Variants in NR1D2 observed in about 807,000 individuals in gnomAD.
NR1D2 encodes the protein V-erbA-related protein 1-related.
NR1D2 carries 25 observed loss-of-function variants against 52.2 expected under a neutral mutation model. That is an observed-to-expected ratio of 0.48 (90% confidence interval 0.35 to 0.67). The LOEUF is 0.67. NR1D2 is among the 30% of genes least tolerant of loss of function. The pLI, the probability that NR1D2 is intolerant of heterozygous loss-of-function variation, is 0.01. For synonymous variants in NR1D2, 259 were observed against 230.1 expected (o/e 1.13, Z -1.14); for missense variants, 681 against 707.2 (o/e 0.96, Z 0.42).
rs60587118 is a variant in NR1D2 at position 23,974,088 on chromosome 3, C to CTTTTTTTTT, written c.1544-3117_1544-3109dup. ...CTGCCTGAGGCTGCTTTACAGTTAC[C>CTTTTTTTTT]TTTTTTTTTTTTTTTTTTTTTTTTT... is the stretch of plus-strand genomic sequence containing the variant. On this transcript the variant is annotated intron_variant, in intron 7 of 7. Transcript: ENST00000312521. Among the ~76,000 whole-genome samples the CTTTTTTTTT allele has an allele frequency of 2.6e-4, 21 of 79,506 alleles. 3 individuals are homozygous for CTTTTTTTTT. The highest frequency in any genetic ancestry group is 8.9e-4 in the African/African-American group (17 of 19,146). 52.2% of individuals were successfully genotyped at this position (79,506 alleles called of 152,430 possible).
intron 2 of NR1D2, 124 bp from the exon 3 acceptor site, chr3:23,955,913 T>C: frequency 1.6e-6 from 1 of 617,698 alleles, no homozygotes; most frequent in Non-Finnish European, 3.0e-6. Flanking sequence ...TCTTTTACAT[T>C]ATGAAAGTAG....
chr3:23,947,383 A>G (rs1705766099), intron 1 of NR1D2, among the ~76,000 whole-genome samples: 1 of 152,148 alleles, frequency 6.6e-6, no homozygotes, highest in Non-Finnish European at 1.5e-5. Context: ...CAGTTCTTCC[A>G]TTTACAGTTC....
Position 23,980,170 on chromosome 3 carries a change from AAG to A in NR1D2, c.*2755_*2756del, listed in dbSNP as rs1273651017. 12 of 152,192 alleles carry A rather than the reference AAG, an allele frequency of 7.9e-5. No homozygotes were observed. The highest frequency in any genetic ancestry group is 2.7e-4 in the African/African-American group (11 of 41,448). The allele number at this position is 152,192 out of a possible 1,614,324, so 9.4% of individuals were successfully genotyped here. ...CAAGAAATTACCATTGTAACTTGAT[AAG>A]AGATGATTTATTTTATGTAAACATC... On this transcript the variant is annotated 3_prime_UTR_variant, in exon 8 of 8. Coordinates refer to ENST00000312521, the MANE Select transcript of NR1D2 (RefSeq NM_005126.5).
chr3:23,971,381 A>G (rs576481278), intron 7 of NR1D2, among the ~76,000 whole-genome samples: 3 of 146,336 alleles, frequency 2.1e-5, no homozygotes, highest in Admixed American at 6.9e-5. Context: ...GCTCACTGCA[A>G]CCTCTGCCTC....
Position 23,945,511 on chromosome 3 carries a change from A to C in NR1D2, c.-68A>C, listed in dbSNP as rs1575140240. On this transcript the variant is annotated 5_prime_UTR_variant, in exon 1 of 8. The change abolishes the stop of an existing upstream ORF in the 5' untranslated region. Coordinates refer to ENST00000312521, the MANE Select transcript of NR1D2 (RefSeq NM_005126.5). ...TCCAGCCCGGGGCGGCGCGGCGCTG[A>C]GGCGGCGGCGGCGGCGCTGCCCCCT... 1 of 931,888 alleles carries C rather than the reference A, an allele frequency of 1.1e-6. No individual in the cohort carries two copies. The highest frequency in any genetic ancestry group is 1.3e-6 in the Non-Finnish European group (1 of 748,180). 57.7% of individuals were successfully genotyped at this position (931,888 alleles called of 1,614,324 possible). A position where few individuals can be genotyped will look rare whatever the true frequency, so the allele number is the denominator to read the frequency against.
At position 23,946,253 on chromosome 3, in the gene NR1D2, G is replaced by C. The variant is rs1044062093; in HGVS notation, c.16+659G>C. The C allele has an allele frequency of 5.1e-6, 5 of 985,354 alleles. No homozygotes were observed. The African/African-American group carries it at 8.7e-5, about 17-fold the overall frequency. The allele number at this position is 985,354 out of a possible 1,614,324, so 61.0% of individuals were successfully genotyped here. ...CGGACGCCGCACGCTCTTTTCGCGA[G>C]GTGACCCCAAGGCGCGGACCCCGCG... On this transcript the variant is annotated intron_variant, in intron 1 of 7. Transcript: ENST00000312521.
Position 23,954,732 on chromosome 3 carries a change from G to C in NR1D2, c.212G>C (p.Arg71Pro). The change falls in exon 2 of 8, where the codon CGA becomes CCA. Residue 71 changes from arginine (R) to proline (P), a missense_variant. Physicochemically the swap from Arg to Pro is moderately radical, Grantham distance 103 (BLOSUM62 -2). This residue lies in a region of NR1D2 where 94 missense variants were observed against 90.4 expected (regional missense o/e 1.04). Transcript: ENST00000312521. The part of the protein sequence containing the change: ...ANIEGILKND[R>P]IDCSMKTSKS... The stretch of plus-strand genomic sequence containing the variant: ...ATTGAAGGCATCTTGAAGAATGATC[G>C]AATAGATTGTTCTATGAAAACAAGC... 6.2e-7 allele frequency: 1 copy of C among 1,613,882 alleles called. No homozygotes were observed. The highest frequency in any genetic ancestry group is 8.5e-7 in the Non-Finnish European group (1 of 1,179,738).
At chr3:23,946,108 C>T (rs1225299308) in intron 1 of NR1D2, 4 of 984,622 alleles carry the variant, frequency 4.1e-6, no homozygotes, top group Non-Finnish European at 4.8e-6. Context: ...GGGGCAGTGA[C>T]GTCGCCGCGA....
chr3:23,971,990 C>G (rs1706603042), intron 7 of NR1D2, among the ~76,000 whole-genome samples: 1 of 152,216 alleles, frequency 6.6e-6, no homozygotes, highest in African/African-American at 2.4e-5. Context: ...CTCCAAACCT[C>G]TGCACCTTGA....
intron 1 of NR1D2, among the ~76,000 whole-genome samples, chr3:23,948,146 C>A (rs9835088): frequency 0.027 from 4,028 of 151,750 alleles, 176 homozygotes; most frequent in African/African-American, 0.092. Flanking sequence ...TTTTAACTTT[C>A]GAATTTTTGT....
intron 1 of NR1D2, among the ~76,000 whole-genome samples, chr3:23,952,840 G>A (rs2125284219): frequency 6.6e-6 from 1 of 152,106 alleles, no homozygotes; most frequent in South Asian, 2.1e-4. Flanking sequence ...AGTTGTGGTT[G>A]TGCTTTCCTC....
intron 4 of NR1D2, among the ~76,000 whole-genome samples, chr3:23,961,462 C>G (rs1383109435): frequency 1.5e-5 from 2 of 132,864 alleles, no homozygotes; most frequent in African/African-American, 5.8e-5. Context: ...TTGGCACCAT[C>G]TCGACGCACT....
rs1247297046 is a variant in NR1D2, at chr3:23,978,517, C to G, written c.*1098C>G. 1 of 151,524 alleles carries G rather than the reference C, an allele frequency of 6.6e-6. No homozygotes were observed. The highest frequency in any genetic ancestry group is 6.6e-5 in the Admixed American group (1 of 15,232). The allele number at this position is 151,524 out of a possible 1,614,324, so 9.4% of individuals were successfully genotyped here. A position where few individuals can be genotyped will look rare whatever the true frequency, so the allele number is the denominator to read the frequency against. On this transcript the variant is annotated 3_prime_UTR_variant, in exon 8 of 8. Coordinates refer to ENST00000312521, the MANE Select transcript of NR1D2 (RefSeq NM_005126.5). Reference sequence around the variant, plus strand: ...AAAAAACATGTATTTTAGAGTTCATCTTTGGCAAAATCTTTGGTTCAGGGT... The same window carrying G: ...AAAAAACATGTATTTTAGAGTTCATGTTTGGCAAAATCTTTGGTTCAGGGT...
chr3:23,950,174 A>G (rs575275560), intron 1 of NR1D2, among the ~76,000 whole-genome samples: 2 of 152,218 alleles, frequency 1.3e-5, no homozygotes, highest in Non-Finnish European at 2.9e-5. Context: ...TATGAATGCC[A>G]TTTCATTTCA....
intron 5 of NR1D2, among the ~76,000 whole-genome samples, chr3:23,963,972 C>T (rs1298677957): frequency 4.7e-5 from 7 of 149,606 alleles, no homozygotes; most frequent in Non-Finnish European, 7.4e-5. Flanking sequence ...CTCACGCAGT[C>T]GTCATTTAGA....
intron 3 of NR1D2, among the ~76,000 whole-genome samples, chr3:23,957,272 G>A (rs73036791): frequency 0.031 from 4,769 of 151,560 alleles, 113 homozygotes; most frequent in Middle Eastern, 0.075. Flanking sequence ...CGTGAGCCAC[G>A]CGCCCTGCCA....
At chr3:23,963,013 AG>A (rs1274438707) in intron 5 of NR1D2, among the ~76,000 whole-genome samples, 1 of 150,396 alleles carries the variant, frequency 6.6e-6, no homozygotes, top group Admixed American at 6.6e-5. Context: ...CTATAGAAAG[AG>A]GTTTTTTTTT....
In NR1D2 at chr3:23,972,291, A is replaced by C. The variant is rs530306382; in HGVS notation, c.1543+4268A>C. Among the ~76,000 whole-genome samples, 5 of 152,346 alleles carry C rather than the reference A, an allele frequency of 3.3e-5. No homozygotes were observed. In the East Asian group the frequency reaches 7.7e-4, roughly 23 times the overall value. The stretch of plus-strand genomic sequence containing the variant: ...ATTTACCCAATGTCCATTTTTAATT[A>C]CTGGCTAAGCAAGTATTTGAACTCC... On this transcript the variant is annotated intron_variant, in intron 7 of 7. Coordinates refer to ENST00000312521, the MANE Select transcript of NR1D2 (RefSeq NM_005126.5).
rs1471033053 is a variant in NR1D2, at chr3:23,979,005, C to G, written c.*1586C>G. 2.0e-5 allele frequency: 3 copies of G among 151,978 alleles called. No homozygotes were observed. The highest frequency in any genetic ancestry group is 7.2e-5 in the African/African-American group (3 of 41,400). 9.4% of individuals were successfully genotyped at this position (151,978 alleles called of 1,614,324 possible). A position where few individuals can be genotyped will look rare whatever the true frequency, so the allele number is the denominator to read the frequency against. ...TGGATTTTTTGGTAAAGATTGCCTT[C>G]TGTATAATGTTTGGATTATATAAAA... is the stretch of plus-strand genomic sequence containing the variant. On this transcript the variant is annotated 3_prime_UTR_variant, in exon 8 of 8. Transcript: ENST00000312521.
Sources: allele counts gnomAD v4.1 joint callset (sites outside exome capture counted in the v4.1 genomes callset), GRCh38; gene constraint gnomAD v4.1.1; regional missense constraint gnomAD v4.1.1; transcripts MANE v1.5; gene names NCBI Gene and HGNC (gene_info 2026-07-23, HGNC 2026-07-21).